TANGO2: variants seen among roughly 807,000 people sequenced by gnomAD.
The protein encoded by TANGO2 is transport and Golgi organization protein 2 homolog.
In TANGO2, 26 loss-of-function variants were observed where a neutral mutation model predicts 39.1. That is an observed-to-expected ratio of 0.67 (90% CI 0.49 to 0.92). The LOEUF is 0.92. Ranked by LOEUF, TANGO2 falls within the 40% of genes least tolerant of loss-of-function variation. The pLI, the probability that TANGO2 is intolerant of heterozygous loss-of-function variation, is 0.00. For missense variants in TANGO2, 326 were observed against 360.1 expected (o/e 0.91, Z 0.77); for synonymous variants, 131 against 144.5 (o/e 0.91, Z 0.67).
At chr22:20,029,552 C>G (rs1050768755) in intron 1 of TANGO2, among the ~76,000 whole-genome samples, 3 of 152,162 alleles carry the variant, frequency 2.0e-5, no homozygotes, top group Non-Finnish European at 4.4e-5. Context: ...GAAGAGGGCT[C>G]TCTCTTTCCA....
Position 20,044,329 on chromosome 22 carries a change from T to C in TANGO2, c.145+886T>C, listed in dbSNP as rs151283072. Among the ~76,000 whole-genome samples the C allele has an allele frequency of 5.3e-3, 812 of 151,932 alleles. 5 individuals are homozygous for C. The highest frequency in any genetic ancestry group is 0.019 in the African/African-American group (776 of 41,442). ...CTTGAGCCCAGGAGTTCAAGACCAG[T>C]CTGGGCAACATGGTAAAACCCTGTC... is the stretch of plus-strand genomic sequence containing the variant. On this transcript the variant is annotated intron_variant, in intron 3 of 8. Transcript: ENST00000327374.
intron 6 of TANGO2, chr22:20,056,860 C>G (rs1461305576): frequency 2.2e-6 from 1 of 456,558 alleles, no homozygotes; most frequent in Non-Finnish European, 4.4e-6. Context: ...CTGGTGGCAT[C>G]GTGGAACTCT....
chr22:20,033,795 C>T (rs1351662527), intron 1 of TANGO2, among the ~76,000 whole-genome samples: 1 of 152,268 alleles, frequency 6.6e-6, no homozygotes, highest in Non-Finnish European at 1.5e-5. Context: ...TGTTCCCCAT[C>T]TTCCTGCACT....
chr22:20,053,733 G>T, intron 5 of TANGO2, 182 bp downstream of exon 5: 1 of 640,946 alleles, frequency 1.6e-6, no homozygotes, highest in South Asian at 1.5e-5. Flanking sequence ...TCGGGTATTT[G>T]GGGGTGAAGC....
At chr22:20,063,912 C>T (rs975412188) in intron 8 of TANGO2, among the ~76,000 whole-genome samples, 4 of 152,364 alleles carry the variant, frequency 2.6e-5, no homozygotes, top group Middle Eastern at 3.4e-3. Flanking sequence ...CCTGGCAGGC[C>T]GCATAGCCGC....
chr22:20,025,091 G>A (rs1422060038), intron 1 of TANGO2, among the ~76,000 whole-genome samples: 2 of 150,256 alleles, frequency 1.3e-5, no homozygotes, highest in East Asian at 2.0e-4. Context: ...GTCTTGCTTT[G>A]TCACCTCAAA....
Position 20,061,788 on chromosome 22 carries a change from G to A in TANGO2, c.605+105G>A. 3 of 1,382,380 alleles carry A rather than the reference G, an allele frequency of 2.2e-6. No homozygotes were observed. In the South Asian group the frequency reaches 4.8e-5, roughly 22 times the overall value. The allele number at this position is 1,382,380 out of a possible 1,614,324, so 85.6% of individuals were successfully genotyped here. ...GGAGGCCCATGGAAGTGGCCAGGCTGGGTCCCCAGCTGCAGGGAAGCTGAT... is the reference window on the plus strand; with the variant it reads ...GGAGGCCCATGGAAGTGGCCAGGCTAGGTCCCCAGCTGCAGGGAAGCTGAT... On this transcript the variant is annotated intron_variant, in intron 7 of 8. Coordinates refer to ENST00000327374, the MANE Select transcript of TANGO2 (RefSeq NM_152906.7).
At chr22:20,045,272 CA>C (rs695778) in intron 3 of TANGO2, among the ~76,000 whole-genome samples, 44,830 of 121,132 alleles carry the variant, frequency 0.37, 8,327 homozygotes, top group East Asian at 0.66. Context: ...CCTGTCTTTA[CA>C]AAAAAAAAAA....
chr22:20,018,718 C>T (rs1360862863), upstream of TANGO2, among the ~76,000 whole-genome samples: 1 of 152,164 alleles, frequency 6.6e-6, no homozygotes, highest in Non-Finnish European at 1.5e-5. Context: ...GGGGCAGCAC[C>T]AATTCAAACA....
intron 3 of TANGO2, among the ~76,000 whole-genome samples, chr22:20,043,855 A>T (rs1340843380): frequency 2.6e-5 from 4 of 152,150 alleles, no homozygotes; most frequent in Admixed American, 2.0e-4. Flanking sequence ...TTCTGTTTGT[A>T]TATGAGCACC....
At position 20,025,410 on chromosome 22, in the gene TANGO2, G is replaced by A. The variant is rs1445500789; in HGVS notation, c.-40+4164G>A. Among the ~76,000 whole-genome samples, 12 of 152,000 alleles carry A rather than the reference G, an allele frequency of 7.9e-5. No homozygotes were observed. In the South Asian group the frequency reaches 2.5e-3, roughly 32 times the overall value. ...GCCTGGCCAGTGCACTTTCTTTTGA[G>A]GGTAGACATTACTGTTCCCCGCCGG... is the stretch of plus-strand genomic sequence containing the variant. On this transcript the variant is annotated intron_variant, in intron 1 of 8. Transcript: ENST00000327374.
At position 20,066,055 on chromosome 22, in the gene TANGO2, ATG is replaced by A. The variant is rs2049160458; in HGVS notation, c.*1394_*1395del. 6.6e-6 allele frequency: 1 copy of A among 152,324 alleles called. No individual in the cohort carries two copies. The highest frequency in any genetic ancestry group is 1.5e-5 in the Non-Finnish European group (1 of 68,178). The allele number at this position is 152,324 out of a possible 1,614,324, so 9.4% of individuals were successfully genotyped here. On this transcript the variant is annotated 3_prime_UTR_variant, in exon 9 of 9. Coordinates refer to ENST00000327374, the MANE Select transcript of TANGO2 (RefSeq NM_152906.7). ...ACGGCTTCTTCAGCACCACATGTGG[ATG>A]CCTGTGGGTCAGTCCATCTGTCCAT...
upstream of TANGO2, among the ~76,000 whole-genome samples, chr22:20,020,899 C>A (rs2039533318): frequency 6.6e-6 from 1 of 152,160 alleles, no homozygotes; most frequent in Non-Finnish European, 1.5e-5. Flanking sequence ...TCAGGAAGCG[C>A]TCAGACGCCC....
intron 3 of TANGO2, among the ~76,000 whole-genome samples, chr22:20,051,786 G>T (rs935703892): frequency 6.6e-6 from 1 of 152,164 alleles, no homozygotes; most frequent in Admixed American, 6.5e-5. Flanking sequence ...GGAGGTGGAG[G>T]TTGCAGTGAA....
intron 5 of TANGO2, 183 bp downstream of exon 5, chr22:20,053,734 G>C (rs768582993): frequency 3.1e-6 from 2 of 640,760 alleles, no homozygotes; most frequent in Non-Finnish European, 5.8e-6. Context: ...CGGGTATTTG[G>C]GGGTGAAGCC....
rs963748430 is a variant in TANGO2, at chr22:20,021,903, G to A, written c.-40+657G>A. Among the ~76,000 whole-genome samples the A allele has an allele frequency of 5.1e-4, 78 of 152,224 alleles. 2 individuals are homozygous for A. The highest frequency in any genetic ancestry group is 1.5e-5 in the Non-Finnish European group (1 of 68,022). On this transcript the variant is annotated intron_variant, in intron 1 of 8. Transcript: ENST00000327374. Reference sequence around the variant, plus strand: ...TGGACCACAAGCTTTAGAGTGAACCGTCTGCCCTTGGACAAGTCCCTGGGC... The same window carrying A: ...TGGACCACAAGCTTTAGAGTGAACCATCTGCCCTTGGACAAGTCCCTGGGC...
chr22:20,063,748 A>G, intron 8 of TANGO2: 1 of 348,690 alleles, frequency 2.9e-6, no homozygotes, highest in Non-Finnish European at 5.2e-6. Context: ...CTAGGCCTGC[A>G]GGCTGTACCC....
chr22:20,050,357 GGTTTTTTTTTT>G (rs1246949379), intron 3 of TANGO2, among the ~76,000 whole-genome samples: 2 of 69,204 alleles, frequency 2.9e-5, no homozygotes, highest in African/African-American at 1.1e-4. Flanking sequence ...TTTTCCTGGT[GGTTTTTTTTTT>G]TTTTTTTTTT....
chr22:20,021,515 TG>T (rs1374298764), intron 1 of TANGO2, among the ~76,000 whole-genome samples: 1 of 152,200 alleles, frequency 6.6e-6, no homozygotes, highest in African/African-American at 2.4e-5. Flanking sequence ...TGCTCGGCCT[TG>T]GCCAGCATCA....
Sources: allele counts gnomAD v4.1 joint callset (sites outside exome capture counted in the v4.1 genomes callset), GRCh38; gene constraint gnomAD v4.1.1; transcripts MANE v1.5; gene names NCBI Gene and HGNC (gene_info 2026-07-23, HGNC 2026-07-21).